The following TOGARAM1 variants were observed in gnomAD, a reference collection of about 807,000 sequenced individuals.
TOGARAM1 encodes the protein TOG array regulator of axonemal microtubules 1, also known as TOG array regulator of axonemal microtubules protein 1.
Under a neutral mutation model 166.6 loss-of-function variants are expected in TOGARAM1, and 100 were observed. The ratio of observed to expected loss-of-function variants is 0.60; its 90% confidence interval spans 0.51 to 0.71. The LOEUF is 0.71. Among genes scored for constraint, TOGARAM1 ranks in the 30% least tolerant of loss-of-function variants. TOGARAM1 has a pLI of 0.00. For synonymous variants in TOGARAM1, 758 were observed against 763.8 expected, an observed-to-expected ratio of 0.99 and a Z score of 0.13; for missense variants, 2,029 against 2,102.7, an observed-to-expected ratio of 0.96 and a Z score of 0.69.
intron 1 of TOGARAM1, among the ~76,000 whole-genome samples, chr14:44,994,619 A>G (rs903944698): frequency 1.3e-5 from 2 of 152,102 alleles, no homozygotes; most frequent in African/African-American, 2.4e-5. Flanking sequence ...GGATTTCACT[A>G]TGTTGCCAAG....
chr14:45,067,174 C>T (rs1883176200), intron 17 of TOGARAM1, among the ~76,000 whole-genome samples: 1 of 151,948 alleles, frequency 6.6e-6, no homozygotes, highest in Admixed American at 6.6e-5. Flanking sequence ...TAAAAGCATA[C>T]TAGAACAACT....
intron 11 of TOGARAM1, among the ~76,000 whole-genome samples, chr14:45,032,787 G>A (rs1378528680): frequency 6.6e-6 from 1 of 152,184 alleles, no homozygotes; most frequent in Non-Finnish European, 1.5e-5. Context: ...CAGTGGCAAT[G>A]TGCATCCCAC....
intron 14 of TOGARAM1, among the ~76,000 whole-genome samples, chr14:45,048,903 G>A (rs1882216816): frequency 6.6e-6 from 1 of 151,802 alleles, no homozygotes; most frequent in African/African-American, 2.4e-5. Context: ...CTTGAACCTA[G>A]GAAGTGGAGG....
intron 14 of TOGARAM1, among the ~76,000 whole-genome samples, chr14:45,048,314 C>CAAAA (rs1165258521): frequency 2.1e-4 from 9 of 43,718 alleles, no homozygotes; most frequent in Non-Finnish European, 2.5e-4. Context: ...GACTCCATCT[C>CAAAA]AAAAAAAAAA....
intron 1 of TOGARAM1, among the ~76,000 whole-genome samples, chr14:44,968,229 T>G (rs1199365702): frequency 6.6e-6 from 1 of 152,174 alleles, no homozygotes; most frequent in Non-Finnish European, 1.5e-5. Context: ...AAAGTATATA[T>G]ACATGCATAT....
chr14:44,987,692 T>G (rs772822067), intron 1 of TOGARAM1, among the ~76,000 whole-genome samples: 1 of 150,108 alleles, frequency 6.7e-6, no homozygotes, highest in African/African-American at 2.5e-5. Context: ...TGGAAGTCAG[T>G]GTGGCGATTC....
Position 45,027,399 on chromosome 14 carries a change from A to G in TOGARAM1, c.3429A>G (p.Glu1143=), listed in dbSNP as rs894275809. ...GDTFSIKQSI[E]PPSGIYGRSV... is the part of the protein sequence containing the mutation. ...CATTTTCAATTAAACAAAGTATTGA[A>G]CCACCATCAGGGATTTATGGAAGAT... The change falls in exon 9 of 20, where the codon GAA becomes GAG. Residue 1143 remains glutamate, a synonymous_variant. Transcript: ENST00000361462. The G allele has an allele frequency of 2.5e-6, 4 of 1,613,726 alleles. No homozygotes were observed. Among genetic ancestry groups the G allele is most frequent in the Non-Finnish European group, 3.4e-6 (4 of 1,179,854 alleles).
At chr14:44,982,203 T>C (rs1886576009) in intron 1 of TOGARAM1, among the ~76,000 whole-genome samples, 1 of 152,230 alleles carries the variant, frequency 6.6e-6, no homozygotes. Context: ...AGCTATTTAA[T>C]ATTATATAAT....
chr14:45,026,450 C>T (rs1027599581), intron 8 of TOGARAM1, among the ~76,000 whole-genome samples: 6 of 152,132 alleles, frequency 3.9e-5, no homozygotes, highest in African/African-American at 1.4e-4. Context: ...AACTTCTTTG[C>T]TTGATAGTCT....
Position 45,044,632 on chromosome 14 carries a change from T to C in TOGARAM1, c.3919-3T>C. 4 of 1,573,552 alleles carry C rather than the reference T, an allele frequency of 2.5e-6. No homozygotes were observed. The East Asian group carries it at 6.8e-5, about 27-fold the overall frequency. ...AAAATGTACATTTTGAATTTTTTTT[T>C]AGGTGAAAAATTTACGTTCTGGAGT... On this transcript the variant is annotated splice_polypyrimidine_tract_variant and splice_region_variant and intron_variant, in intron 12 of 19. Transcript: ENST00000361462.
chr14:44,967,529 G>T (rs1434036570), intron 1 of TOGARAM1, among the ~76,000 whole-genome samples: 1 of 152,192 alleles, frequency 6.6e-6, no homozygotes, highest in Non-Finnish European at 1.5e-5. Context: ...TATTCAAACA[G>T]CATGATGAAA....
intron 14 of TOGARAM1, among the ~76,000 whole-genome samples, chr14:45,048,779 C>G (rs1023138761): frequency 8.6e-5 from 13 of 151,944 alleles, no homozygotes; most frequent in Admixed American, 2.0e-4. Context: ...GAGTTCAAGA[C>G]CAGCCTAAAC....
In TOGARAM1 at chr14:44,995,896, G is replaced by C; in HGVS notation, c.2197G>C (p.Ala733Pro). 1 of 1,602,318 alleles carries C rather than the reference G, an allele frequency of 6.2e-7. No individual in the cohort carries two copies. The highest frequency in any genetic ancestry group is 8.5e-7 in the Non-Finnish European group (1 of 1,176,156). Residue 733 changes from alanine (A) to proline (P), a missense_variant, in exon 2 of 20, where the codon GCT (alanine) becomes CCT (proline). By Grantham distance (27) the Ala-to-Pro change is conservative. Coordinates refer to ENST00000361462, the MANE Select transcript of TOGARAM1 (RefSeq NM_001308120.2). The part of the protein sequence containing the change: ...DFNPDCLPLC[A>P]AGTTGTHQTN... ...TAACCCAGATTGTCTTCCTTTATGTGCTGCTGGTAAGTACAAGTTGCTGAT... is the reference window on the plus strand; with the variant it reads ...TAACCCAGATTGTCTTCCTTTATGTCCTGCTGGTAAGTACAAGTTGCTGAT...
chr14:45,045,225 G>A (rs1881927732), intron 13 of TOGARAM1, among the ~76,000 whole-genome samples: 1 of 151,546 alleles, frequency 6.6e-6, no homozygotes, highest in Admixed American at 6.6e-5. Context: ...TGGGTGAATT[G>A]TATAATAGTG....
chr14:45,024,188 C>G (rs1222400759), intron 7 of TOGARAM1, among the ~76,000 whole-genome samples: 2 of 152,032 alleles, frequency 1.3e-5, no homozygotes, highest in Admixed American at 1.3e-4. Context: ...CCTAGGTGCC[C>G]TTTCCTAGTT....
chr14:44,999,270 A>C (rs1014247665), intron 2 of TOGARAM1, 93 bp from the exon 3 acceptor site: 2 of 1,311,414 alleles, frequency 1.5e-6, no homozygotes, highest in Non-Finnish European at 2.1e-6. Flanking sequence ...ATTTATTTCC[A>C]CCTAAATTAC....
At chr14:44,966,257 A>G (rs1566592891) in intron 1 of TOGARAM1, among the ~76,000 whole-genome samples, 1 of 151,258 alleles carries the variant, frequency 6.6e-6, no homozygotes, top group Admixed American at 6.6e-5. Flanking sequence ...AGATAACCTG[A>G]GGTCAGGAGT....
intron 1 of TOGARAM1, among the ~76,000 whole-genome samples, chr14:44,970,971 C>T (rs1306346048): frequency 2.0e-5 from 3 of 151,988 alleles, no homozygotes; most frequent in Admixed American, 6.5e-5. Context: ...CATGTTTGTT[C>T]ATAGGTGATA....
rs979072725 is a variant in TOGARAM1, at chr14:45,065,084, A to C, written c.4560-1494A>C. Among the ~76,000 whole-genome samples the C allele has an allele frequency of 4.6e-5, 7 of 152,202 alleles. 1 individual carries two copies. Among genetic ancestry groups the C allele is most frequent in the African/African-American group, 1.7e-4 (7 of 41,512 alleles). On this transcript the variant is annotated intron_variant, in intron 16 of 19. Coordinates refer to ENST00000361462, the MANE Select transcript of TOGARAM1 (RefSeq NM_001308120.2). ...AGAACCTTACAATATACTTACATTG[A>C]GCTTACTTGCAGTGAGCCAAGATCA... is the stretch of plus-strand genomic sequence containing the variant.
Sources: allele counts gnomAD v4.1 joint callset (sites outside exome capture counted in the v4.1 genomes callset), GRCh38; gene constraint gnomAD v4.1.1; transcripts MANE v1.5; gene names NCBI Gene and HGNC (gene_info 2026-07-23, HGNC 2026-07-21).